The following CLVS1 variants were observed in gnomAD, a reference collection of about 807,000 sequenced individuals.
The protein encoded by CLVS1 is clavesin-1.
In CLVS1, 10 loss-of-function variants were observed where a neutral mutation model predicts 33.1. That is an observed-to-expected ratio of 0.30 (90% CI 0.19 to 0.51). CLVS1 has a LOEUF of 0.51. Ranked by LOEUF, CLVS1 falls within the 20% of genes least tolerant of loss-of-function variation. The probability of loss-of-function intolerance (pLI) is 0.97; values close to 1 mark genes in which losing one functional copy is unlikely to be tolerated. For synonymous variants in CLVS1, 163 were observed against 166.1 expected (o/e 0.98, Z 0.14); for missense variants, 343 against 433.4 (o/e 0.79, Z 1.85).
At chr8:61,208,874 G>A (rs982564030) in intron 2 of CLVS1, among the ~76,000 whole-genome samples, 10 of 152,250 alleles carry the variant, frequency 6.6e-5, no homozygotes, top group Non-Finnish European at 1.0e-4. Context: ...GTGTGAGCCA[G>A]CACACCTGGC....
intron 2 of CLVS1, among the ~76,000 whole-genome samples, chr8:61,222,201 A>G (rs928380562): frequency 1.3e-5 from 2 of 150,360 alleles, no homozygotes; most frequent in African/African-American, 4.9e-5. Flanking sequence ...CTCTGATCTT[A>G]GTTATTTCTT....
rs183923811 is a variant in CLVS1, at chr8:61,454,634, A to G, written c.741+383A>G. ...TGTATTAGTGCTATGAAGAATGATT[A>G]CAATTTTTCTTCCTCCCATAACTTT... On this transcript the variant is annotated intron_variant, in intron 4 of 5. Transcript: ENST00000325897. Among the ~76,000 whole-genome samples, 38 of 152,346 alleles carry G rather than the reference A, an allele frequency of 2.5e-4. No homozygotes were observed. In the East Asian group the frequency reaches 6.6e-3, roughly 26 times the overall value.
At chr8:60,974,308 A>G in the CLVS1 span, among the ~76,000 whole-genome samples, 1 of 152,178 alleles carries the variant, frequency 6.6e-6, no homozygotes, top group Admixed American at 6.5e-5. Flanking sequence ...TGGAGCTGCC[A>G]AACTGCTCTC....
intron 2 of CLVS1, among the ~76,000 whole-genome samples, chr8:61,162,325 CTGTT>C (rs1464766284): frequency 6.6e-6 from 1 of 152,198 alleles, no homozygotes; most frequent in Non-Finnish European, 1.5e-5. Context: ...TCCTATTAGT[CTGTT>C]TATTGTCAGT....
At chr8:61,300,666 C>G (rs1810394780) in intron 2 of CLVS1, 1 of 164,228 alleles carries the variant, frequency 6.1e-6, no homozygotes, top group Non-Finnish European at 1.3e-5. Flanking sequence ...AAAATAATTT[C>G]TTGGATCCTC....
chr8:61,366,357 T>C (rs1304484745), intron 2 of CLVS1, among the ~76,000 whole-genome samples: 1 of 152,220 alleles, frequency 6.6e-6, no homozygotes, highest in African/African-American at 2.4e-5. Context: ...TGTTCTTGAC[T>C]GCATTTTATC....
chr8:61,184,798 A>G (rs576713554), intron 2 of CLVS1, among the ~76,000 whole-genome samples: 1 of 152,348 alleles, frequency 6.6e-6, no homozygotes, highest in South Asian at 2.1e-4. Context: ...GACCGTTAGA[A>G]TAAATAGATC....
rs534436479 is a variant in CLVS1, at chr8:61,123,280, T to A, written c.-242-8490T>A. On this transcript the variant is annotated intron_variant, in intron 1 of 2. Coordinates refer to the CLVS1 transcript ENST00000522621. Reference sequence around the variant, plus strand: ...GTGAAACTCTGTCTCAAAATAATAATAATAATAATAATAATAAAAGTCTCA... The same window carrying A: ...GTGAAACTCTGTCTCAAAATAATAAAAATAATAATAATAATAAAAGTCTCA... Among the ~76,000 whole-genome samples, 622 of 150,246 alleles carry A rather than the reference T, an allele frequency of 4.1e-3. 71 individuals are homozygous for A. Among genetic ancestry groups the A allele is most frequent in the African/African-American group, 0.012 (488 of 40,994 alleles).
chr8:61,056,606 A>G (rs1027968549), upstream of CLVS1, among the ~76,000 whole-genome samples: 5 of 152,202 alleles, frequency 3.3e-5, no homozygotes, highest in African/African-American at 1.2e-4. Context: ...TAGACTTCAC[A>G]TAGACCACCC....
rs553660144 is a variant in CLVS1, at chr8:61,136,443, T to A, written c.-152+4583T>A. Among the ~76,000 whole-genome samples, 47 of 152,276 alleles carry A rather than the reference T, an allele frequency of 3.1e-4. 1 individual carries two copies. The highest frequency in any genetic ancestry group is 1.1e-3 in the African/African-American group (45 of 41,556). On this transcript the variant is annotated intron_variant, in intron 2 of 2. Transcript: ENST00000522621. ...GACATGGCATCAACCTAAATGCCCA[T>A]CAATGATAGACCGGATAAAGAAAAT...
At chr8:61,088,680 C>G (rs980709349) in intron 1 of CLVS1, among the ~76,000 whole-genome samples, 2 of 152,082 alleles carry the variant, frequency 1.3e-5, no homozygotes, top group Non-Finnish European at 2.9e-5. Flanking sequence ...TTAATTTCTA[C>G]CAAATCCTTT....
chr8:61,304,569 G>A (rs954587053), intron 2 of CLVS1, among the ~76,000 whole-genome samples: 1 of 152,186 alleles, frequency 6.6e-6, no homozygotes, highest in Non-Finnish European at 1.5e-5. Context: ...GGAGACCTAG[G>A]GGACACTGCT....
chr8:61,254,928 G>A (rs747291713), intron 2 of CLVS1, among the ~76,000 whole-genome samples: 10 of 152,056 alleles, frequency 6.6e-5, no homozygotes, highest in South Asian at 2.1e-4. Context: ...CCCACTCTCC[G>A]ACAATCCCCA....
chr8:61,186,088 G>GT lies in CLVS1; in HGVS notation c.-152+54229dup, dbSNP rs568738930. ...TTCCTACCTTCCACTAGAAATCTCT[G>GT]TAACAAGAATTTATGTCTCTCTGAC... On this transcript the variant is annotated intron_variant, in intron 2 of 2. Transcript: ENST00000522621. Among the ~76,000 whole-genome samples, 7 of 152,260 alleles carry GT rather than the reference G, an allele frequency of 4.6e-5. No homozygotes were observed. In the South Asian group the frequency reaches 1.5e-3, roughly 32 times the overall value.
intron 2 of CLVS1, among the ~76,000 whole-genome samples, chr8:61,222,920 C>A (rs558430583): frequency 8.1e-6 from 1 of 122,878 alleles, no homozygotes; most frequent in Non-Finnish European, 1.6e-5. Context: ...TTATGTAATG[C>A]CCTTTTTTGT....
chr8:61,148,518 C>T (rs1478664370), intron 2 of CLVS1, among the ~76,000 whole-genome samples: 2 of 152,130 alleles, frequency 1.3e-5, no homozygotes, highest in Admixed American at 6.6e-5. Context: ...TGAGGTTTTG[C>T]GGTAGCATGT....
At chr8:61,252,844 G>A (rs1808981843) in intron 2 of CLVS1, among the ~76,000 whole-genome samples, 1 of 152,156 alleles carries the variant, frequency 6.6e-6, no homozygotes, top group Non-Finnish European at 1.5e-5. Context: ...CCTGAATACA[G>A]CACACTGATG....
intron 2 of CLVS1, among the ~76,000 whole-genome samples, chr8:61,191,091 A>G (rs904365049): frequency 3.3e-5 from 5 of 152,232 alleles, no homozygotes; most frequent in Admixed American, 1.3e-4. Flanking sequence ...ATTTTAGACC[A>G]ATATCCCTGA....
At chr8:61,032,989 GA>G in the CLVS1 span, among the ~76,000 whole-genome samples, 1 of 63,314 alleles carries the variant, frequency 1.6e-5, no homozygotes, top group Non-Finnish European at 3.0e-5. Flanking sequence ...AGGAAGGAAG[GA>G]AGGAAAGAAA....
Sources: gnomAD v4.1 joint callset for allele counts (sites outside exome capture counted in the v4.1 genomes callset) on GRCh38, gnomAD v4.1.1 for gene constraint, MANE v1.5 for transcripts, NCBI Gene and HGNC (gene_info 2026-07-23, HGNC 2026-07-21) for gene names.